The following STRN variants were observed in gnomAD, a reference collection of about 807,000 sequenced individuals.
STRN encodes protein phosphatase 2 regulatory subunit B'''alpha.
A neutral mutation model predicts 96.3 loss-of-function variants in STRN; 53 were observed. That is an observed-to-expected ratio of 0.55 (90% CI 0.44 to 0.69). The LOEUF (loss-of-function observed/expected upper bound fraction) is 0.69, where lower values mean the gene tolerates loss of function less well. Among genes scored for constraint, STRN ranks in the 30% least tolerant of loss-of-function variants. STRN has a pLI of 0.00. For synonymous variants in STRN, 428 were observed against 355.9 expected (o/e 1.20, Z -2.28); for missense variants, 987 against 963.9 (o/e 1.02, Z -0.32).
chr2:36,907,609 C>G (rs947232633), intron 3 of STRN, among the ~76,000 whole-genome samples: 3 of 152,026 alleles, frequency 2.0e-5, no homozygotes, highest in African/African-American at 7.2e-5. Context: ...CATACATTAT[C>G]TCTTTTATTC....
At chr2:36,911,272 C>T (rs929358651) in intron 3 of STRN, among the ~76,000 whole-genome samples, 8 of 152,324 alleles carry the variant, frequency 5.3e-5, no homozygotes, top group Middle Eastern at 3.4e-3. Context: ...TATCTTAGGT[C>T]TTATCATCAT....
At chr2:36,923,304 A>G (rs1670311038) in intron 2 of STRN, among the ~76,000 whole-genome samples, 1 of 151,762 alleles carries the variant, frequency 6.6e-6, no homozygotes, top group Non-Finnish European at 1.5e-5. Flanking sequence ...CAAAAAAATT[A>G]GCCAGGCATG....
intron 1 of STRN, among the ~76,000 whole-genome samples, chr2:36,945,865 T>C (rs556588103): frequency 1.3e-5 from 2 of 152,258 alleles, no homozygotes; most frequent in African/African-American, 4.8e-5. Flanking sequence ...CTTAGAAAAC[T>C]AGAAACATTT....
intron 1 of STRN, among the ~76,000 whole-genome samples, chr2:36,949,510 G>A (rs566268851): frequency 5.3e-5 from 8 of 152,292 alleles, no homozygotes; most frequent in Admixed American, 5.2e-4. Flanking sequence ...GAAATATTAG[G>A]GAAGACTTCT....
intron 3 of STRN, among the ~76,000 whole-genome samples, chr2:36,910,868 T>C (rs1432568667): frequency 1.3e-5 from 2 of 151,980 alleles, no homozygotes; most frequent in African/African-American, 2.4e-5. Flanking sequence ...CAAAAATAAA[T>C]ACATTTTAAC....
At chr2:36,933,917 C>G (rs1670637465) in intron 1 of STRN, among the ~76,000 whole-genome samples, 1 of 152,156 alleles carries the variant, frequency 6.6e-6, no homozygotes, top group South Asian at 2.1e-4. Context: ...TGATACCAGC[C>G]TGGCCAACAC....
At chr2:36,863,686 T>C (rs1414401725) in intron 12 of STRN, among the ~76,000 whole-genome samples, 1 of 152,240 alleles carries the variant, frequency 6.6e-6, no homozygotes, top group African/African-American at 2.4e-5. Context: ...TTTTTTCTAA[T>C]TCTGTTAGAA....
In STRN at chr2:36,838,218, A is replaced by C. The variant is rs1227221161; in HGVS notation, c.*11238T>G. Among the ~76,000 whole-genome samples, 2 of 152,194 alleles carry C rather than the reference A, an allele frequency of 1.3e-5. No homozygotes were observed. The highest frequency in any genetic ancestry group is 2.4e-5 in the African/African-American group (1 of 41,452). ...TGCAAGGACCACGGAGCAACCTCTA[A>C]AGGATCAGATTTGACAGTCAGCTAG... On this transcript the variant is annotated 3_prime_UTR_variant, in exon 18 of 18. Coordinates refer to ENST00000263918, the MANE Select transcript of STRN (RefSeq NM_003162.4).
In STRN at chr2:36,843,667, C is replaced by G. The variant is rs1037724928; in HGVS notation, c.*5789G>C. 4 of 152,102 alleles carry G rather than the reference C, an allele frequency of 2.6e-5. No individual in the cohort carries two copies. Among genetic ancestry groups the G allele is most frequent in the African/African-American group, 4.8e-5 (2 of 41,436 alleles). The allele number at this position is 152,102 out of a possible 1,614,324, so 9.4% of individuals were successfully genotyped here. A position where few individuals can be genotyped will look rare whatever the true frequency, so the allele number is the denominator to read the frequency against. ...CTTTGTCTAATATCCTTTTATTTCT[C>G]TGCACCCCTCTACAACTCCTCCCCC... On this transcript the variant is annotated 3_prime_UTR_variant, in exon 18 of 18. Coordinates refer to ENST00000263918, the MANE Select transcript of STRN (RefSeq NM_003162.4).
At chr2:36,892,979 C>T (rs1357240865) in intron 7 of STRN, among the ~76,000 whole-genome samples, 1 of 151,898 alleles carries the variant, frequency 6.6e-6, no homozygotes, top group Admixed American at 6.6e-5. Flanking sequence ...AGGATCACGC[C>T]ACTGCACTCA....
rs139655431 is a variant in STRN, at chr2:36,909,461, C to T, written c.413-3843G>A. 8.3e-3 allele frequency among the ~76,000 whole-genome samples: 1,263 copies of T among 152,074 alleles called. 23 individuals carry two copies. The highest frequency in any genetic ancestry group is 7.6e-3 in the Non-Finnish European group (514 of 67,992). ...TGAACCAACTATAAAACAAAACAGA[C>T]GATAAACAATGGTTTTCAAAACACT... On this transcript the variant is annotated intron_variant, in intron 3 of 17. Transcript: ENST00000263918.
chr2:36,938,981 T>A (rs59709996), intron 1 of STRN, among the ~76,000 whole-genome samples: 7,875 of 152,128 alleles, frequency 0.052, 690 homozygotes, highest in African/African-American at 0.18. Context: ...TTTTTTTTTT[T>A]ATTTGTTTGT....
intron 1 of STRN, among the ~76,000 whole-genome samples, chr2:36,950,213 G>GTA (rs1553406109): frequency 9.2e-6 from 1 of 109,032 alleles, no homozygotes; most frequent in East Asian, 3.0e-4. Context: ...GTTTGGTTTT[G>GTA]TTTTTTTTTT....
chr2:36,876,862 C>T (rs1668927242), intron 10 of STRN, among the ~76,000 whole-genome samples: 1 of 151,886 alleles, frequency 6.6e-6, no homozygotes, highest in Non-Finnish European at 1.5e-5. Context: ...ATTCTCCTGC[C>T]TCAGCCTCCC....
intron 1 of STRN, among the ~76,000 whole-genome samples, chr2:36,961,180 G>T (rs1370153065): frequency 1.4e-5 from 2 of 142,636 alleles, no homozygotes; most frequent in Non-Finnish European, 3.0e-5. Flanking sequence ...AGGCTGGAGT[G>T]CAGTGGAGTG....
At chr2:36,906,560 C>A (rs944963992) in intron 3 of STRN, among the ~76,000 whole-genome samples, 2 of 151,960 alleles carry the variant, frequency 1.3e-5, no homozygotes, top group African/African-American at 4.8e-5. Flanking sequence ...GGTAGAAGAG[C>A]CAATTTGGTA....
chr2:36,956,439 T>C (rs1175459261), intron 1 of STRN, among the ~76,000 whole-genome samples: 3 of 152,204 alleles, frequency 2.0e-5, no homozygotes, highest in Non-Finnish European at 2.9e-5. Flanking sequence ...CCAATTATGA[T>C]GGTCAACAGA....
In STRN at chr2:36,841,835, GC is replaced by G. The variant is rs1252558912; in HGVS notation, c.*7620del. ...TTTAGATAACAAGGACCAATGACAAGCCAGAATTGGAACCATTCATTCTTTG... is the reference window on the plus strand; with the variant it reads ...TTTAGATAACAAGGACCAATGACAAGCAGAATTGGAACCATTCATTCTTTG... On this transcript the variant is annotated 3_prime_UTR_variant, in exon 18 of 18. Coordinates refer to ENST00000263918, the MANE Select transcript of STRN (RefSeq NM_003162.4). 6.6e-6 allele frequency: 1 copy of G among 152,162 alleles called. No individual in the cohort carries two copies. Among genetic ancestry groups the G allele is most frequent in the Non-Finnish European group, 1.5e-5 (1 of 68,016 alleles). 9.4% of individuals were successfully genotyped at this position (152,162 alleles called of 1,614,324 possible).
intron 2 of STRN, among the ~76,000 whole-genome samples, chr2:36,923,380 G>A (rs1280624748): frequency 1.3e-5 from 2 of 150,300 alleles, no homozygotes; most frequent in South Asian, 2.1e-4. Context: ...GAGCCCAGAA[G>A]GCGGAGGTTG....
Sources: gnomAD v4.1 joint callset for allele counts (sites outside exome capture counted in the v4.1 genomes callset) on GRCh38, gnomAD v4.1.1 for gene constraint, MANE v1.5 for transcripts, NCBI Gene and HGNC (gene_info 2026-07-23, HGNC 2026-07-21) for gene names.